Variants in ADCY1 observed in about 807,000 individuals in gnomAD.
The protein encoded by ADCY1 is adenylate cyclase type 1.
In ADCY1, 28 loss-of-function variants were observed where a neutral mutation model predicts 105.4. That is an observed-to-expected ratio of 0.27 (90% CI 0.20 to 0.36). ADCY1 has a LOEUF of 0.36. ADCY1 is among the 10% of genes least tolerant of loss of function. The probability of loss-of-function intolerance (pLI) is 1.00; values close to 1 mark genes in which losing one functional copy is unlikely to be tolerated. For synonymous variants in ADCY1, 655 were observed against 623.8 expected, an observed-to-expected ratio of 1.05 and a Z score of -0.75; for missense variants, 977 against 1,434.2, an observed-to-expected ratio of 0.68 and a Z score of 5.15.
intron 2 of ADCY1, among the ~76,000 whole-genome samples, chr7:45,595,650 C>T (rs972316853): frequency 6.6e-6 from 1 of 152,208 alleles, no homozygotes; most frequent in Non-Finnish European, 1.5e-5. Flanking sequence ...CAGGTCTGTT[C>T]CTCCAGCTTT....
chr7:45,583,505 T>C (rs1179062589), intron 1 of ADCY1, among the ~76,000 whole-genome samples: 1 of 152,246 alleles, frequency 6.6e-6, no homozygotes, highest in Admixed American at 6.5e-5. Flanking sequence ...AGTGTTTCCT[T>C]GTTTCCTTCT....
chr7:45,575,655 C>T lies in ADCY1; in HGVS notation c.639+473C>T, dbSNP rs904307377. ...GTGCTGGGCTCGCCTCCCAACCCTG[C>T]GGACCCGAGGGTGGTATATGGGTGG... is the stretch of plus-strand genomic sequence containing the variant. On this transcript the variant is annotated intron_variant, in intron 1 of 19. Coordinates refer to ENST00000297323, the MANE Select transcript of ADCY1 (RefSeq NM_021116.4). This position sits in a 1 kb window ranked among gnomAD's most constrained non-coding sequence, Gnocchi z 4.7. Among the ~76,000 whole-genome samples the T allele has an allele frequency of 2.0e-5, 3 of 152,258 alleles. No individual in the cohort carries two copies. Among genetic ancestry groups the T allele is most frequent in the African/African-American group, 7.2e-5 (3 of 41,468 alleles).
chr7:45,703,526 C>T lies in ADCY1; in HGVS notation c.2571+34C>T, dbSNP rs1785041742. ...CCAGCCTGCTCCTGGCCAGCACTAG[C>T]CCTACACTGCTCTGGCCACCCCACT... On this transcript the variant is annotated intron_variant, in intron 15 of 19. Coordinates refer to ENST00000297323, the MANE Select transcript of ADCY1 (RefSeq NM_021116.4). The surrounding 1 kb of genome is among the most constrained non-coding windows in gnomAD (Gnocchi z 5.9). 6.2e-7 allele frequency: 1 copy of T among 1,613,466 alleles called. No homozygotes were observed. Among genetic ancestry groups the T allele is most frequent in the Admixed American group, 1.7e-5 (1 of 59,980 alleles).
At chr7:45,620,704 A>G (rs895619236) in intron 3 of ADCY1, among the ~76,000 whole-genome samples, 1 of 152,244 alleles carries the variant, frequency 6.6e-6, no homozygotes, top group Admixed American at 6.5e-5. Flanking sequence ...ACGAGTTATC[A>G]TCTACAAGGG....
chr7:45,605,227 TC>T (rs140522440), intron 2 of ADCY1, among the ~76,000 whole-genome samples: 2,235 of 152,324 alleles, frequency 0.015, 38 homozygotes, highest in South Asian at 0.043. Context: ...GGTACAATTT[TC>T]TTTTGTTTCT....
At chr7:45,598,973 C>T (rs1401803562) in intron 2 of ADCY1, among the ~76,000 whole-genome samples, 1 of 152,140 alleles carries the variant, frequency 6.6e-6, no homozygotes, top group South Asian at 2.1e-4. Context: ...ATTGGGTGGG[C>T]GTCAGGTGGA....
At chr7:45,674,705 T>G (rs1195443497) in intron 8 of ADCY1, among the ~76,000 whole-genome samples, 1 of 152,196 alleles carries the variant, frequency 6.6e-6, no homozygotes, top group Non-Finnish European at 1.5e-5. Flanking sequence ...TTTGGCTTTG[T>G]GTGATTGAAA....
intron 4 of ADCY1, among the ~76,000 whole-genome samples, chr7:45,628,780 C>T (rs1474707234): frequency 6.6e-6 from 1 of 152,154 alleles, no homozygotes; most frequent in African/African-American, 2.4e-5. Context: ...CTAGTGCCTG[C>T]CTTCCGATAA....
intron 2 of ADCY1, among the ~76,000 whole-genome samples, chr7:45,609,507 C>A (rs536189972): frequency 6.6e-6 from 1 of 152,210 alleles, no homozygotes; most frequent in Admixed American, 6.5e-5. Flanking sequence ...AGCCTGTTTC[C>A]GCGCTTGTCA....
chr7:45,575,226 G>A lies in ADCY1; in HGVS notation c.639+44G>A, dbSNP rs776023135. On this transcript the variant is annotated intron_variant, in intron 1 of 19. Transcript: ENST00000297323. The surrounding 1 kb of genome is among the most constrained non-coding windows in gnomAD (Gnocchi z 4.7). ...CCCTCATCTGGTCTCGGACACACTT[G>A]CTGGGACGATGCTGGGAATGCCCGG... 2.6e-6 allele frequency: 4 copies of A among 1,528,956 alleles called. No homozygotes were observed. Among genetic ancestry groups the A allele is most frequent in the Non-Finnish European group, 3.5e-6 (4 of 1,143,820 alleles). 94.7% of individuals were successfully genotyped at this position (1,528,956 alleles called of 1,614,324 possible).
intron 1 of ADCY1, among the ~76,000 whole-genome samples, chr7:45,581,293 G>A (rs748712550): frequency 5.3e-5 from 8 of 152,270 alleles, no homozygotes; most frequent in Non-Finnish European, 7.4e-5. Flanking sequence ...ACCCCTTACC[G>A]TCACTTACAT....
rs370768492 is a variant in ADCY1 at position 45,710,488 on chromosome 7, T to C, written c.2933-40T>C. 6.2e-7 allele frequency: 1 copy of C among 1,604,036 alleles called. No homozygotes were observed. The highest frequency in any genetic ancestry group is 8.5e-7 in the Non-Finnish European group (1 of 1,174,696). On this transcript the variant is annotated intron_variant, in intron 18 of 19. Coordinates refer to ENST00000297323, the MANE Select transcript of ADCY1 (RefSeq NM_021116.4). The surrounding 1 kb of genome is among the most constrained non-coding windows in gnomAD (Gnocchi z 4.7). ...TGGCCCTGGTGGGGTGAGTTACACTTTTCCCGCTGATGACAGGTCATGCGC... is the reference window on the plus strand; with the variant it reads ...TGGCCCTGGTGGGGTGAGTTACACTCTTCCCGCTGATGACAGGTCATGCGC...
At chr7:45,687,802 C>T (rs538264895) in intron 14 of ADCY1, among the ~76,000 whole-genome samples, 147 of 152,282 alleles carry the variant, frequency 9.7e-4, no homozygotes, top group Non-Finnish European at 2.0e-3. Context: ...CAGCTGCCAT[C>T]TGTGTGATCT....
intron 5 of ADCY1, among the ~76,000 whole-genome samples, chr7:45,652,899 CT>C (rs1277440372): frequency 6.6e-6 from 1 of 152,226 alleles, no homozygotes; most frequent in Non-Finnish European, 1.5e-5. Context: ...GAGCAGTGGG[CT>C]GGGGCATCTC....
rs189386415 is a variant in ADCY1 at position 45,696,815 on chromosome 7, G to C, written c.2455-6561G>C. On this transcript the variant is annotated intron_variant, in intron 14 of 19. Transcript: ENST00000297323. ...CCCCAGAAGTTGCTTTCTGCCCACG[G>C]AGTGGGCAGAAATGTGCACAGGCTG... Among the ~76,000 whole-genome samples the C allele has an allele frequency of 1.4e-3, 216 of 152,324 alleles. 5 individuals are homozygous for C. In the East Asian group the frequency reaches 0.036, roughly 25 times the overall value.
intron 14 of ADCY1, among the ~76,000 whole-genome samples, chr7:45,689,126 T>G (rs1364856820): frequency 6.6e-6 from 1 of 151,136 alleles, no homozygotes; most frequent in Non-Finnish European, 1.5e-5. Context: ...GAATTCCAGG[T>G]TCTGGAGTGG....
chr7:45,641,669 G>A (rs1352348046), intron 4 of ADCY1, among the ~76,000 whole-genome samples: 1 of 151,976 alleles, frequency 6.6e-6, no homozygotes, highest in Admixed American at 6.5e-5. Flanking sequence ...GCTCACGCCT[G>A]TAATCCCAGC....
intron 2 of ADCY1, among the ~76,000 whole-genome samples, chr7:45,593,927 T>C (rs955907439): frequency 3.3e-5 from 5 of 152,200 alleles, no homozygotes; most frequent in Admixed American, 2.0e-4. Context: ...GGCGTGTCCA[T>C]GTGGATGTTA....
chr7:45,594,049 G>A (rs575567413), intron 2 of ADCY1, among the ~76,000 whole-genome samples: 2 of 152,294 alleles, frequency 1.3e-5, no homozygotes, highest in South Asian at 4.2e-4. Flanking sequence ...ATGTGTGTCT[G>A]TGAATGCCTG....
Sources: gnomAD v4.1 joint callset for allele counts (sites outside exome capture counted in the v4.1 genomes callset) on GRCh38, gnomAD v4.1.1 for gene constraint, Gnocchi (gnomAD v3.1) non-coding constraint, MANE v1.5 for transcripts, NCBI Gene and HGNC (gene_info 2026-07-23, HGNC 2026-07-21) for gene names.